SLC49A4: variants seen among roughly 807,000 people sequenced by gnomAD.
SLC49A4 encodes the protein solute carrier family 49 member 4.
Under a neutral mutation model 50.6 loss-of-function variants are expected in SLC49A4, and 36 were observed. The ratio of observed to expected loss-of-function variants is 0.71; its 90% CI spans 0.55 to 0.94. The LOEUF (loss-of-function observed/expected upper bound fraction) is 0.94. SLC49A4 is among the 40% of genes least tolerant of loss of function. The pLI, the probability that SLC49A4 is intolerant of heterozygous loss-of-function variation, is 0.00. For missense variants in SLC49A4, 503 were observed against 605.7 expected, an observed-to-expected ratio of 0.83 and a Z score of 1.78; for synonymous variants, 248 against 241.2, an observed-to-expected ratio of 1.03 and a Z score of -0.26.
Position 122,860,148 on chromosome 3 carries a change from A to G in SLC49A4, c.1084A>G (p.Thr362Ala). Residue 362 changes from threonine to alanine, a missense_variant, in exon 7 of 9, where the codon ACG becomes GCG. Transcript: ENST00000261038. ...LLFSGATLSSTWFTLTCLNSI... is the reference protein window; with the variant it reads ...LLFSGATLSSAWFTLTCLNSI... Reference sequence around the variant, plus strand: ...GTTTTCGGGAGCTACACTGTCATCCACGTGGTTCACCCTGACCTGTTTGAA... The same window carrying G: ...GTTTTCGGGAGCTACACTGTCATCCGCGTGGTTCACCCTGACCTGTTTGAA... 1 of 1,613,516 alleles carries G rather than the reference A, an allele frequency of 6.2e-7. No individual in the cohort carries two copies. The highest frequency in any genetic ancestry group is 8.5e-7 in the Non-Finnish European group (1 of 1,179,650).
At chr3:122,866,952 T>A (rs1408840351) in intron 7 of SLC49A4, among the ~76,000 whole-genome samples, 1 of 152,168 alleles carries the variant, frequency 6.6e-6, no homozygotes, top group African/African-American at 2.4e-5. Flanking sequence ...ACTGTGCATA[T>A]AAATGGTTGC....
intron 1 of SLC49A4, among the ~76,000 whole-genome samples, chr3:122,801,066 C>T (rs1936121261): frequency 6.6e-6 from 1 of 152,104 alleles, no homozygotes; most frequent in East Asian, 1.9e-4. Context: ...GAGATTTAAC[C>T]AGAGTTGCAG....
At chr3:122,836,177 C>T (rs1936682677) in intron 4 of SLC49A4, among the ~76,000 whole-genome samples, 1 of 152,096 alleles carries the variant, frequency 6.6e-6, no homozygotes, top group Non-Finnish European at 1.5e-5. Flanking sequence ...TCCATCAATA[C>T]CTAATTTATT....
chr3:122,801,112 A>G (rs896043646), intron 1 of SLC49A4, among the ~76,000 whole-genome samples: 9 of 152,222 alleles, frequency 5.9e-5, no homozygotes, highest in African/African-American at 2.2e-4. Flanking sequence ...AGTACAGGCC[A>G]AGAGTAGAGG....
chr3:122,824,545 A>G (rs1936496178), intron 2 of SLC49A4, among the ~76,000 whole-genome samples: 1 of 151,848 alleles, frequency 6.6e-6, no homozygotes, highest in African/African-American at 2.4e-5. Flanking sequence ...GAGGAGCTTC[A>G]CTTTGCTTCT....
chr3:122,799,917 A>G (rs1021547281), intron 1 of SLC49A4, among the ~76,000 whole-genome samples: 4 of 152,196 alleles, frequency 2.6e-5, no homozygotes, highest in African/African-American at 9.7e-5. Context: ...TAAGTTGTGT[A>G]AGATGGTAGA....
rs374265765 is a variant in SLC49A4 at position 122,826,874 on chromosome 3, C to A, written c.512C>A (p.Thr171Lys). Residue 171 changes from threonine (T) to lysine (K), a missense_variant, in exon 3 of 9, where the codon ACG (threonine) becomes AAG (lysine). Transcript: ENST00000261038. ...TVMNAAPFLS[T>K]TWFSADERAT... ...ATGAATGCAGCACCATTTCTCTCTA[C>A]GACGTGGTTTTCTGCAGATGAAAGG... 1.2e-6 allele frequency: 2 copies of A among 1,614,118 alleles called. No homozygotes were observed. Among genetic ancestry groups the A allele is most frequent in the South Asian group, 2.2e-5 (2 of 91,080 alleles).
chr3:122,828,943 T>C (rs1178519834), intron 3 of SLC49A4, among the ~76,000 whole-genome samples: 1 of 152,214 alleles, frequency 6.6e-6, no homozygotes, highest in African/African-American at 2.4e-5. Context: ...CTCATGGTTC[T>C]CATGCAGTCA....
intron 2 of SLC49A4, among the ~76,000 whole-genome samples, chr3:122,812,719 A>G (rs1214587858): frequency 1.3e-5 from 2 of 152,232 alleles, no homozygotes; most frequent in African/African-American, 4.8e-5. Context: ...AAATACCTTT[A>G]TGCTTGTCCA....
In SLC49A4 at chr3:122,795,207, G is replaced by T; in HGVS notation, c.15G>T (p.Trp5Cys). 7.5e-7 allele frequency: 1 copy of T among 1,331,404 alleles called. No homozygotes were observed. The highest frequency in any genetic ancestry group is 2.2e-5 in the South Asian group (1 of 45,934). 82.5% of individuals were successfully genotyped at this position (1,331,404 alleles called of 1,614,324 possible). Residue 5 changes from tryptophan (W) to cysteine (C), a missense_variant, in exon 1 of 9, where the codon TGG becomes TGT. Transcript: ENST00000261038. ...GACGCGTCGCCATGGGCTCTCGCTG[G>T]AGCAGCGAAGAGGAGAGGCAGCCGC... Reference protein sequence around the residue: MGSRWSSEEERQPLL... With the variant: MGSRCSSEEERQPLL...
intron 4 of SLC49A4, among the ~76,000 whole-genome samples, chr3:122,834,695 AAAG>A (rs1290989218): frequency 8.5e-5 from 13 of 152,162 alleles, no homozygotes; most frequent in African/African-American, 3.1e-4. Flanking sequence ...CAGCAGAAAA[AAAG>A]AAAAAACAAA....
At chr3:122,840,187 G>A (rs566570457) in intron 4 of SLC49A4, among the ~76,000 whole-genome samples, 102 of 152,268 alleles carry the variant, frequency 6.7e-4, no homozygotes, top group African/African-American at 2.1e-3. Flanking sequence ...GCTAAGCTTA[G>A]GGTAGGCAAA....
intron 1 of SLC49A4, among the ~76,000 whole-genome samples, chr3:122,802,735 G>A (rs1936150695): frequency 6.6e-6 from 1 of 152,162 alleles, no homozygotes; most frequent in Non-Finnish European, 1.5e-5. Context: ...CAATGTGTAA[G>A]ACGAAAAATA....
At position 122,799,576 on chromosome 3, in the gene SLC49A4, C is replaced by T. The variant is rs1403167332; in HGVS notation, c.343+4041C>T. On this transcript the variant is annotated intron_variant, in intron 1 of 8. Coordinates refer to ENST00000261038, the MANE Select transcript of SLC49A4 (RefSeq NM_032839.3). Reference sequence around the variant, plus strand: ...TGTAAATCATTCTTAAATGGCATCTCAGCCATTATCCAGTGAGGAGGGCTC... The same window carrying T: ...TGTAAATCATTCTTAAATGGCATCTTAGCCATTATCCAGTGAGGAGGGCTC... Among the ~76,000 whole-genome samples the T allele has an allele frequency of 2.0e-5, 3 of 152,212 alleles. No individual in the cohort carries two copies. In the East Asian group the frequency reaches 5.8e-4, roughly 29 times the overall value.
In SLC49A4 at chr3:122,839,217, T is replaced by G. The variant is rs578112948; in HGVS notation, c.833+5771T>G. 8.8e-4 allele frequency among the ~76,000 whole-genome samples: 134 copies of G among 152,222 alleles called. 1 individual carries two copies. The highest frequency in any genetic ancestry group is 1.3e-3 in the Non-Finnish European group (89 of 67,996). On this transcript the variant is annotated intron_variant, in intron 4 of 8. Transcript: ENST00000261038. ...GTAGAAGAATGAAACTGGATCCCTA[T>G]CTCTCACCTTATACAAAAATAAACT...
intron 7 of SLC49A4, among the ~76,000 whole-genome samples, chr3:122,861,915 A>G (rs1418928470): frequency 6.6e-6 from 1 of 152,230 alleles, no homozygotes; most frequent in Non-Finnish European, 1.5e-5. Context: ...CAGTTTCAGC[A>G]TTAGATTCTG....
chr3:122,812,251 A>C (rs973409802), intron 2 of SLC49A4, among the ~76,000 whole-genome samples: 3 of 152,166 alleles, frequency 2.0e-5, no homozygotes, highest in African/African-American at 7.2e-5. Context: ...CACTGCACCC[A>C]GCCTATATTA....
chr3:122,807,236 A>G (rs1445917467), intron 2 of SLC49A4, among the ~76,000 whole-genome samples: 2 of 151,920 alleles, frequency 1.3e-5, no homozygotes, highest in African/African-American at 4.8e-5. Context: ...ATATATATAT[A>G]TAGTGTAGTT....
chr3:122,871,644 G>T (rs1219192475), intron 7 of SLC49A4, among the ~76,000 whole-genome samples: 1 of 151,988 alleles, frequency 6.6e-6, no homozygotes, highest in African/African-American at 2.4e-5. Context: ...TTCCTTTTGG[G>T]TTCTGTTTTC....
Sources: gnomAD v4.1 joint callset for allele counts (sites outside exome capture counted in the v4.1 genomes callset) on GRCh38, gnomAD v4.1.1 for gene constraint, MANE v1.5 for transcripts, NCBI Gene and HGNC (gene_info 2026-07-23, HGNC 2026-07-21) for gene names.